FGF12: variants seen among roughly 807,000 people sequenced by gnomAD.
The protein encoded by FGF12 is fibroblast growth factor 12.
A neutral mutation model predicts 23.6 loss-of-function variants in FGF12; 14 were observed. That is an observed-to-expected ratio of 0.59 (90% confidence interval 0.39 to 0.93). FGF12 has a LOEUF of 0.93. Among genes scored for constraint, FGF12 ranks in the 40% least tolerant of loss-of-function variants. FGF12 has a pLI of 0.00. For synonymous variants in FGF12, 62 were observed against 77.3 expected (o/e 0.80, Z 1.04); for missense variants, 175 against 217.8 (o/e 0.80, Z 1.24).
intron 4 of FGF12, among the ~76,000 whole-genome samples, chr3:192,284,637 G>A (rs969880513): frequency 3.3e-5 from 5 of 152,168 alleles, no homozygotes; most frequent in Admixed American, 3.3e-4. Context: ...TCCACAGGGA[G>A]AGAGTAATGT....
At chr3:192,593,156 G>A (rs761401820) in intron 2 of FGF12, among the ~76,000 whole-genome samples, 1 of 151,760 alleles carries the variant, frequency 6.6e-6, no homozygotes, top group African/African-American at 2.4e-5. Context: ...CCAAAGCTCT[G>A]ATATTGACCC....
chr3:192,542,230 C>T (rs926752740), intron 2 of FGF12, among the ~76,000 whole-genome samples: 2 of 152,122 alleles, frequency 1.3e-5, no homozygotes, highest in African/African-American at 4.8e-5. Context: ...AATAGCCTGC[C>T]TTCAAGCCCA....
intron 5 of FGF12, among the ~76,000 whole-genome samples, chr3:192,157,546 T>C (rs530204615): frequency 1.3e-5 from 2 of 152,316 alleles, no homozygotes; most frequent in South Asian, 4.1e-4. Context: ...TATTACATTC[T>C]TTTCATGGGT....
chr3:192,674,584 C>T (rs1717254707), intron 2 of FGF12, among the ~76,000 whole-genome samples: 1 of 151,994 alleles, frequency 6.6e-6, no homozygotes, highest in Non-Finnish European at 1.5e-5. Flanking sequence ...AGTTGCTTTC[C>T]ACTGTAAAAA....
intron 2 of FGF12, among the ~76,000 whole-genome samples, chr3:192,678,088 CACTCAATGACAAAATG>C (rs1314012683): frequency 6.6e-6 from 1 of 152,170 alleles, no homozygotes; most frequent in East Asian, 1.9e-4. Flanking sequence ...GCTATCACAA[CACTCAATGACAAAATG>C]ACTAACCTCT....
At chr3:192,447,262 A>G (rs987686443) in intron 2 of FGF12, among the ~76,000 whole-genome samples, 2 of 152,200 alleles carry the variant, frequency 1.3e-5, no homozygotes, top group South Asian at 4.1e-4. Context: ...CTCAAGGCAC[A>G]GGGAATATTT....
At chr3:192,362,768 T>C (rs1478396032) in intron 2 of FGF12, among the ~76,000 whole-genome samples, 1 of 152,176 alleles carries the variant, frequency 6.6e-6, no homozygotes, top group East Asian at 1.9e-4. Context: ...TAAAGTCTAA[T>C]GTTTCAACTA....
chr3:192,630,921 T>C (rs1715368950), intron 2 of FGF12, among the ~76,000 whole-genome samples: 1 of 152,034 alleles, frequency 6.6e-6, no homozygotes, highest in African/African-American at 2.4e-5. Context: ...TCTTCACTCT[T>C]CTTCCCCCCA....
At chr3:192,367,569 T>C (rs989767925) in intron 2 of FGF12, among the ~76,000 whole-genome samples, 7 of 152,186 alleles carry the variant, frequency 4.6e-5, no homozygotes, top group African/African-American at 1.7e-4. Context: ...TGAGCTACAG[T>C]AAGCATTTGA....
intron 4 of FGF12, among the ~76,000 whole-genome samples, chr3:192,226,825 T>C (rs778705160): frequency 6.6e-6 from 1 of 152,152 alleles, no homozygotes; most frequent in Non-Finnish European, 1.5e-5. Context: ...AGGAATCATA[T>C]ATGTCACTTA....
chr3:192,556,899 C>T (rs1484806030), intron 2 of FGF12, among the ~76,000 whole-genome samples: 2 of 151,854 alleles, frequency 1.3e-5, no homozygotes, highest in East Asian at 3.9e-4. Context: ...AGAAAGAAAA[C>T]TTAAAAATTC....
chr3:192,430,438 G>A (rs959656014), intron 2 of FGF12, among the ~76,000 whole-genome samples: 5 of 152,162 alleles, frequency 3.3e-5, no homozygotes, highest in Non-Finnish European at 5.9e-5. Flanking sequence ...GAGATCCATT[G>A]CACAGCGGTG....
chr3:192,475,751 C>T lies in FGF12; in HGVS notation c.14-115213G>A, dbSNP rs111720303. On this transcript the variant is annotated intron_variant, in intron 2 of 5. Coordinates refer to ENST00000445105, the MANE Select transcript of FGF12 (RefSeq NM_004113.6). ...TACACGTCAGTGCAAAAGCTGTTCT[C>T]GTGATAGGGAAATTCACAGGGACCG... Among the ~76,000 whole-genome samples, 407 of 152,232 alleles carry T rather than the reference C, an allele frequency of 2.7e-3. 4 individuals carry two copies. Among genetic ancestry groups the T allele is most frequent in the African/African-American group, 9.1e-3 (380 of 41,542 alleles).
At chr3:192,625,906 G>A (rs1207549561) in intron 2 of FGF12, among the ~76,000 whole-genome samples, 1 of 152,090 alleles carries the variant, frequency 6.6e-6, no homozygotes, top group Non-Finnish European at 1.5e-5. Context: ...CCCAAGGTTA[G>A]GATTAAAGGG....
chr3:192,173,602 AAACT>A (rs1460101140), intron 4 of FGF12, among the ~76,000 whole-genome samples: 6 of 152,174 alleles, frequency 3.9e-5, no homozygotes, highest in African/African-American at 1.4e-4. Context: ...TTTTAAAAAC[AAACT>A]AATTAAAATA....
intron 4 of FGF12, among the ~76,000 whole-genome samples, chr3:192,324,064 C>T (rs1388937319): frequency 1.3e-5 from 2 of 151,926 alleles, no homozygotes; most frequent in Non-Finnish European, 2.9e-5. Flanking sequence ...CGCATGCCAG[C>T]CTGGGCGACA....
chr3:192,485,273 T>C (rs9291025), intron 2 of FGF12, among the ~76,000 whole-genome samples: 15,924 of 152,186 alleles, frequency 0.1, 2,673 homozygotes, highest in African/African-American at 0.35. Context: ...CGAATGTTTC[T>C]GGTTTGTATT....
chr3:192,324,731 A>G (rs978559099), intron 4 of FGF12, among the ~76,000 whole-genome samples: 1 of 152,232 alleles, frequency 6.6e-6, no homozygotes, highest in Admixed American at 6.5e-5. Context: ...AAGAAATACA[A>G]TCTAGAAACT....
At position 192,528,331 on chromosome 3, in the gene FGF12, A is replaced by G. The variant is rs111765432; in HGVS notation, c.14-167793T>C. On this transcript the variant is annotated intron_variant, in intron 2 of 5. Transcript: ENST00000445105. The stretch of plus-strand genomic sequence containing the variant: ...GGGGTAGTCAAATCTCAAAGCTCCA[A>G]AATGATCTCCTTTGACTCCATGTCT... Among the ~76,000 whole-genome samples, 570 of 152,288 alleles carry G rather than the reference A, an allele frequency of 3.7e-3. 2 individuals carry two copies. Among genetic ancestry groups the G allele is most frequent in the African/African-American group, 0.012 (518 of 41,574 alleles).
Sources: allele counts gnomAD v4.1 joint callset (sites outside exome capture counted in the v4.1 genomes callset), GRCh38; gene constraint gnomAD v4.1.1; transcripts MANE v1.5; gene names NCBI Gene and HGNC (gene_info 2026-07-23, HGNC 2026-07-21).